Variants in LHFPL3 observed in about 807,000 individuals in gnomAD.
The protein encoded by LHFPL3 is LHFPL tetraspan subfamily member 3 protein.
A neutral mutation model predicts 19.3 loss-of-function variants in LHFPL3; 5 were observed. That is an observed-to-expected ratio of 0.26 (90% CI 0.14 to 0.54). The LOEUF is 0.54. Among genes scored for constraint, LHFPL3 ranks in the 20% least tolerant of loss-of-function variants. The pLI, the probability that LHFPL3 is intolerant of heterozygous loss-of-function variation, is 0.94. For synonymous variants in LHFPL3, 133 were observed against 126.2 expected (o/e 1.05, Z -0.36); for missense variants, 249 against 307.4 (o/e 0.81, Z 1.42).
At chr7:104,736,386 C>G (rs1341759289) in intron 1 of LHFPL3, among the ~76,000 whole-genome samples, 1 of 152,094 alleles carries the variant, frequency 6.6e-6, no homozygotes, top group African/African-American at 2.4e-5. Flanking sequence ...TTAATATTTT[C>G]TTAACCTCTT....
intron 1 of LHFPL3, among the ~76,000 whole-genome samples, chr7:104,652,418 G>T (rs1324980763): frequency 2.6e-5 from 4 of 152,114 alleles, no homozygotes; most frequent in African/African-American, 9.7e-5. Context: ...TTGTTTTATT[G>T]ATATATAATA....
chr7:104,566,284 G>A (rs1298645910), intron 1 of LHFPL3, among the ~76,000 whole-genome samples: 2 of 152,272 alleles, frequency 1.3e-5, no homozygotes, highest in East Asian at 3.9e-4. Flanking sequence ...CCAGGAGGGT[G>A]AGGCTGCAGT....
chr7:104,470,991 A>C (rs552321044), intron 1 of LHFPL3, among the ~76,000 whole-genome samples: 5 of 152,222 alleles, frequency 3.3e-5, no homozygotes, highest in African/African-American at 1.2e-4. Context: ...GTCTTATTGA[A>C]GCTTTCTCAG....
intron 2 of LHFPL3, among the ~76,000 whole-genome samples, chr7:104,833,073 T>TA (rs1371780344): frequency 1.1e-5 from 1 of 89,676 alleles, no homozygotes; most frequent in Non-Finnish European, 2.0e-5. Context: ...AATATATATA[T>TA]TATATATATC....
chr7:104,707,952 GAGAA>G (rs1562969995), intron 1 of LHFPL3, among the ~76,000 whole-genome samples: 1 of 152,152 alleles, frequency 6.6e-6, no homozygotes, highest in Non-Finnish European at 1.5e-5. Context: ...CATAAATGCT[GAGAA>G]AGAAAGAGGT....
rs117210797 is a variant in LHFPL3 at position 104,569,818 on chromosome 7, G to A, written c.446-166857G>A. 7.6e-3 allele frequency among the ~76,000 whole-genome samples: 1,153 copies of A among 152,210 alleles called. 7 individuals are homozygous for A. Among genetic ancestry groups the A allele is most frequent in the Admixed American group, 0.011 (161 of 15,290 alleles). On this transcript the variant is annotated intron_variant, in intron 1 of 2. Transcript: ENST00000424859. The stretch of plus-strand genomic sequence containing the variant: ...TGCTGAGTAACTTGCCCCAGGTCAC[G>A]TAACCTGTAAACAATGGAAATAAGA...
chr7:104,403,893 G>C (rs1343948116), intron 1 of LHFPL3, among the ~76,000 whole-genome samples: 2 of 152,188 alleles, frequency 1.3e-5, no homozygotes, highest in Non-Finnish European at 2.9e-5. Flanking sequence ...ACCTAAGAAG[G>C]AGTGTTATAT....
intron 1 of LHFPL3, among the ~76,000 whole-genome samples, chr7:104,640,084 C>T (rs563265757): frequency 6.6e-6 from 1 of 152,200 alleles, no homozygotes; most frequent in South Asian, 2.1e-4. Context: ...CCTATAGAAC[C>T]AGAGTTCTTA....
intron 1 of LHFPL3, among the ~76,000 whole-genome samples, chr7:104,481,565 T>C (rs929234233): frequency 6.6e-6 from 1 of 152,058 alleles, no homozygotes; most frequent in African/African-American, 2.4e-5. Context: ...CTATTGTTCA[T>C]GTCTCCCTGT....
At chr7:104,662,264 G>T (rs902962156) in intron 1 of LHFPL3, among the ~76,000 whole-genome samples, 3 of 152,104 alleles carry the variant, frequency 2.0e-5, no homozygotes, top group South Asian at 4.1e-4. Flanking sequence ...GAATTTTATG[G>T]TTCAGTTCTG....
chr7:104,386,335 A>G (rs1045439955), intron 1 of LHFPL3, among the ~76,000 whole-genome samples: 1 of 152,192 alleles, frequency 6.6e-6, no homozygotes, highest in Admixed American at 6.5e-5. Context: ...GAAAAACACT[A>G]TACCTAGGGA....
chr7:104,787,676 G>T (rs1789946381), intron 2 of LHFPL3, among the ~76,000 whole-genome samples: 1 of 152,030 alleles, frequency 6.6e-6, no homozygotes, highest in Non-Finnish European at 1.5e-5. Flanking sequence ...TCAGTCTCCT[G>T]AGTAGCTGGG....
chr7:104,638,341 A>G (rs1791767031), intron 1 of LHFPL3, among the ~76,000 whole-genome samples: 1 of 151,978 alleles, frequency 6.6e-6, no homozygotes, highest in Non-Finnish European at 1.5e-5. Context: ...AAACAGGGAT[A>G]GTTTGATTTC....
At chr7:104,495,535 C>T (rs1421246580) in intron 1 of LHFPL3, among the ~76,000 whole-genome samples, 2 of 152,218 alleles carry the variant, frequency 1.3e-5, no homozygotes, top group Non-Finnish European at 1.5e-5. Flanking sequence ...AGGCACCTGC[C>T]ACCACGCTTG....
intron 2 of LHFPL3, among the ~76,000 whole-genome samples, chr7:104,858,961 A>T (rs202245952): frequency 1.2e-3 from 10 of 8,178 alleles, no homozygotes; most frequent in South Asian, 0.02. Context: ...AATTTTATTT[A>T]AAAAAAAAAA....
At chr7:104,511,628 G>A (rs928477415) in intron 1 of LHFPL3, among the ~76,000 whole-genome samples, 3 of 152,126 alleles carry the variant, frequency 2.0e-5, no homozygotes, top group Non-Finnish European at 4.4e-5. Flanking sequence ...ATGGAATACT[G>A]CTTATTAGTT....
intron 2 of LHFPL3, among the ~76,000 whole-genome samples, chr7:104,837,697 T>C (rs189477979): frequency 6.6e-6 from 1 of 152,268 alleles, no homozygotes; most frequent in African/African-American, 2.4e-5. Context: ...TAGTGGTGAT[T>C]TGTGAGATTT....
chr7:104,637,104 G>T (rs1791742576), intron 1 of LHFPL3, among the ~76,000 whole-genome samples: 1 of 152,042 alleles, frequency 6.6e-6, no homozygotes, highest in Non-Finnish European at 1.5e-5. Flanking sequence ...GTATCATTTT[G>T]GTTTTAGTTG....
At chr7:104,550,776 G>A (rs1179018722) in intron 1 of LHFPL3, among the ~76,000 whole-genome samples, 3 of 151,998 alleles carry the variant, frequency 2.0e-5, no homozygotes, top group Admixed American at 6.6e-5. Context: ...TATAGACTAG[G>A]GGAACATAAC....
Sources: gnomAD v4.1 joint callset for allele counts (sites outside exome capture counted in the v4.1 genomes callset) on GRCh38, gnomAD v4.1.1 for gene constraint, MANE v1.5 for transcripts, NCBI Gene and HGNC (gene_info 2026-07-23, HGNC 2026-07-21) for gene names.